The following ZC3H15 variants were observed in gnomAD, a reference collection of about 807,000 sequenced individuals.
ZC3H15 encodes the protein zinc finger CCCH-type containing 15.
ZC3H15 carries 15 observed loss-of-function variants against 51.2 expected under a neutral mutation model. That is an observed-to-expected ratio of 0.29 (90% CI 0.20 to 0.45). The LOEUF (loss-of-function observed/expected upper bound fraction) is 0.45, where lower values mean the gene tolerates loss of function less well. ZC3H15 is among the 20% of genes least tolerant of loss of function. The pLI, the probability that ZC3H15 is intolerant of heterozygous loss-of-function variation, is 1.00. For synonymous variants in ZC3H15, 144 were observed against 162.8 expected, an observed-to-expected ratio of 0.88 and a Z score of 0.88; for missense variants, 381 against 494.7, an observed-to-expected ratio of 0.77 and a Z score of 2.18.
At chr2:186,504,365 T>C (rs1420143467) in intron 6 of ZC3H15, 151 bp downstream of exon 6, 2 of 614,404 alleles carry the variant, frequency 3.3e-6, no homozygotes, top group Non-Finnish European at 5.1e-6. Context: ...ATTATTCTTG[T>C]ATGTGTAAAA....
chr2:186,495,272 C>A lies in ZC3H15; in HGVS notation c.115C>A (p.Gln39Lys). 2 of 1,555,456 alleles carry A rather than the reference C, an allele frequency of 1.3e-6. No individual in the cohort carries two copies. Among genetic ancestry groups the A allele is most frequent in the South Asian group, 1.3e-5 (1 of 78,832 alleles). The part of the protein sequence containing the change: ...FGLKNKKGAK[Q>K]QKFIKAVTHQ... ...TTTGAAGAATAAGAAAGGAGCAAAG[C>A]AACAGAAGTTTATCAAGGCTGTCAC... is the stretch of plus-strand genomic sequence containing the variant. Residue 39 changes from glutamine to lysine, a missense_variant, in exon 2 of 10, where the codon CAA becomes AAA. This residue lies in a region of ZC3H15 where 125 missense variants were observed against 166.3 expected (regional missense o/e 0.75). Transcript: ENST00000337859.
intron 1 of ZC3H15, among the ~76,000 whole-genome samples, chr2:186,490,432 TGG>T (rs1685177548): frequency 6.6e-6 from 1 of 152,168 alleles, no homozygotes. Context: ...TCGTGAAAGA[TGG>T]AGCAAGAGAA....
At chr2:186,507,123 A>T (rs1226460755) in intron 9 of ZC3H15, among the ~76,000 whole-genome samples, 1 of 152,210 alleles carries the variant, frequency 6.6e-6, no homozygotes, top group Non-Finnish European at 1.5e-5. Context: ...TGATTATCAA[A>T]AGTGCACTGT....
chr2:186,486,571 G>C (rs1445500085), intron 1 of ZC3H15, 114 bp downstream of exon 1: 1 of 1,112,952 alleles, frequency 9.0e-7, no homozygotes. Context: ...TCCTCCCTTA[G>C]GCCTGTGTGG....
At chr2:186,500,929 T>A (rs553888558) in intron 3 of ZC3H15, among the ~76,000 whole-genome samples, 4 of 152,296 alleles carry the variant, frequency 2.6e-5, no homozygotes, top group African/African-American at 9.6e-5. Flanking sequence ...TGCCTCGGCC[T>A]CCCAGAGTGC....
chr2:186,505,927 A>C, intron 8 of ZC3H15, 86 bp downstream of exon 8: 1 of 1,395,498 alleles, frequency 7.2e-7, no homozygotes, highest in African/African-American at 1.4e-5. Context: ...AGCCACCAAC[A>C]TCAGAGCCAC....
rs1340329616 is a variant in ZC3H15 at position 186,505,626 on chromosome 2, C to A, written c.864+29C>A. On this transcript the variant is annotated intron_variant, in intron 7 of 9. Coordinates refer to ENST00000337859, the MANE Select transcript of ZC3H15 (RefSeq NM_018471.3). Reference sequence around the variant, plus strand: ...TGTCTCAGGCTCACCCAAACTGATTCTTTATTCTTCCATTTTCAATTTCTG... The same window carrying A: ...TGTCTCAGGCTCACCCAAACTGATTATTTATTCTTCCATTTTCAATTTCTG... 4 of 1,597,144 alleles carry A rather than the reference C, an allele frequency of 2.5e-6. No homozygotes were observed. The South Asian group carries it at 3.4e-5, about 13-fold the overall frequency.
intron 2 of ZC3H15, among the ~76,000 whole-genome samples, chr2:186,497,630 G>A (rs1335869490): frequency 1.3e-5 from 2 of 152,128 alleles, no homozygotes; most frequent in Non-Finnish European, 2.9e-5. Context: ...ATTTTCTGGT[G>A]AATATAGATA....
chr2:186,498,306 G>A (rs6434183), intron 2 of ZC3H15, among the ~76,000 whole-genome samples: 47,862 of 152,006 alleles, frequency 0.31, 8,085 homozygotes, highest in East Asian at 0.42. Flanking sequence ...GCTTCAGTGT[G>A]GAACTCCATG....
rs1685157613 is a variant in ZC3H15, at chr2:186,489,321, T to G, written c.75+2864T>G. Among the ~76,000 whole-genome samples the G allele has an allele frequency of 3.3e-5, 5 of 152,350 alleles. No homozygotes were observed. The South Asian group carries it at 1.0e-3, about 32-fold the overall frequency. On this transcript the variant is annotated intron_variant, in intron 1 of 9. Transcript: ENST00000337859. ...AGATTTATAGAGACTATTCTGTTAT[T>G]CAGCCTGGTTAGGAAATGATATAGT... is the stretch of plus-strand genomic sequence containing the variant.
At chr2:186,496,184 T>C (rs1284220524) in intron 2 of ZC3H15, among the ~76,000 whole-genome samples, 2 of 152,204 alleles carry the variant, frequency 1.3e-5, no homozygotes, top group East Asian at 3.8e-4. Flanking sequence ...TCCTAGATCA[T>C]TTGTAATTAT....
At chr2:186,487,317 C>T (rs530122050) in intron 1 of ZC3H15, 1 of 152,156 alleles carries the variant, frequency 6.6e-6, no homozygotes, top group Non-Finnish European at 1.5e-5. Flanking sequence ...AAAAGATGAA[C>T]CATATTTGAC....
chr2:186,508,499 G>A (rs1322346582), intron 9 of ZC3H15, 44 bp from the exon 10 acceptor site: 1 of 1,573,696 alleles, frequency 6.4e-7, no homozygotes, highest in Non-Finnish European at 8.7e-7. Flanking sequence ...GTGGAATGGT[G>A]TTTTCTGCTT....
chr2:186,493,610 G>A (rs1685233599), intron 1 of ZC3H15, among the ~76,000 whole-genome samples: 1 of 152,058 alleles, frequency 6.6e-6, no homozygotes, highest in South Asian at 2.1e-4. Flanking sequence ...TACAAACTGG[G>A]TCACTTAAAA....
chr2:186,489,254 A>G (rs186663717), intron 1 of ZC3H15, among the ~76,000 whole-genome samples: 9 of 152,352 alleles, frequency 5.9e-5, no homozygotes, highest in African/African-American at 2.2e-4. Context: ...AGGTACAACA[A>G]TATTTTGAAT....
rs141276995 is a variant in ZC3H15 at position 186,490,641 on chromosome 2, T to C, written c.75+4184T>C. On this transcript the variant is annotated intron_variant, in intron 1 of 9. Coordinates refer to ENST00000337859, the MANE Select transcript of ZC3H15 (RefSeq NM_018471.3). ...TGTCCCAAGAGGGTAGACTCCATTA[T>C]CTTGGAGCACTATTCAGTGTTGACC... 5.2e-3 allele frequency among the ~76,000 whole-genome samples: 788 copies of C among 152,296 alleles called. 3 individuals are homozygous for C. Among genetic ancestry groups the C allele is most frequent in the Non-Finnish European group, 9.4e-3 (641 of 68,010 alleles).
At position 186,505,769 on chromosome 2, in the gene ZC3H15, T is replaced by C; in HGVS notation, c.894T>C (p.Arg298=). The C allele has an allele frequency of 6.2e-7, 1 of 1,614,112 alleles. No homozygotes were observed. The highest frequency in any genetic ancestry group is 2.2e-5 in the East Asian group (1 of 44,878). The change falls in exon 8 of 10, where the codon CGT becomes CGC. Residue 298 remains arginine (R), a synonymous_variant. Coordinates refer to ENST00000337859, the MANE Select transcript of ZC3H15 (RefSeq NM_018471.3). ...GTGGTCGTGAAGTGTTTGAATTTCG[T>C]CCTGAACTGGTCAATGATGATGATG... is the stretch of plus-strand genomic sequence containing the variant. ...VISGREVFEF[R]PELVNDDDEE... is the part of the protein sequence containing the mutation.
Position 186,506,768 on chromosome 2 carries a change from A to G in ZC3H15, c.1022A>G (p.Asp341Gly). The G allele has an allele frequency of 6.2e-7, 1 of 1,613,802 alleles. No individual in the cohort carries two copies. Among genetic ancestry groups the G allele is most frequent in the Non-Finnish European group, 8.5e-7 (1 of 1,179,808 alleles). The change falls in exon 9 of 10, where the codon GAT becomes GGT. Residue 341 changes from aspartate (D) to glycine (G), a missense_variant. Asp to Gly is a moderately conservative substitution (Grantham distance 94, BLOSUM62 -1). Coordinates refer to ENST00000337859, the MANE Select transcript of ZC3H15 (RefSeq NM_018471.3). ...DIDLSLYIPR[D>G]VDETGITVAS... is the part of the protein sequence containing the mutation. Reference sequence around the variant, plus strand: ...GATTTAAGCCTGTACATCCCAAGAGATGTAGATGAAACAGGTATTACTGTA... The same window carrying G: ...GATTTAAGCCTGTACATCCCAAGAGGTGTAGATGAAACAGGTATTACTGTA...
intron 5 of ZC3H15, 25 bp from the exon 6 acceptor site, chr2:186,504,007 C>A (rs1000161406): frequency 2.9e-5 from 44 of 1,527,306 alleles, no homozygotes; most frequent in Non-Finnish European, 3.8e-5. Flanking sequence ...TGAGCCACCG[C>A]TTGTGAATAA....
Sources: gnomAD v4.1 joint callset for allele counts (sites outside exome capture counted in the v4.1 genomes callset) on GRCh38, gnomAD v4.1.1 for gene constraint, gnomAD v4.1.1 regional missense constraint, MANE v1.5 for transcripts, NCBI Gene and HGNC (gene_info 2026-07-23, HGNC 2026-07-21) for gene names.